Variants in TENM3 observed in about 807,000 individuals in gnomAD.
TENM3 encodes the protein teneurin transmembrane protein 3.
In TENM3, 63 loss-of-function variants were observed where a neutral mutation model predicts 255.1. The observed-to-expected ratio is 0.25, with a 90% CI of 0.20 to 0.30. The LOEUF is 0.30. TENM3 is among the 10% of genes least tolerant of loss of function. The pLI is 1.00. For synonymous variants in TENM3, 1,306 were observed against 1,322.3 expected (o/e 0.99, Z 0.27); for missense variants, 2,929 against 3,461.1 (o/e 0.85, Z 3.86).
At chr4:181,701,481 G>A in the TENM3 span, among the ~76,000 whole-genome samples, 1 of 152,038 alleles carries the variant, frequency 6.6e-6, no homozygotes, top group Non-Finnish European at 1.5e-5. Flanking sequence ...AGTCAGACGA[G>A]GTAATAGCCA....
chr4:182,172,592 GT>G (rs1258010602), intron 1 of TENM3, among the ~76,000 whole-genome samples: 1 of 152,124 alleles, frequency 6.6e-6, no homozygotes, highest in African/African-American at 2.4e-5. Context: ...TACTCAAAAT[GT>G]TTTTATTGAT....
At chr4:182,098,378 G>C in the TENM3 span, among the ~76,000 whole-genome samples, 1 of 152,192 alleles carries the variant, frequency 6.6e-6, no homozygotes, top group Non-Finnish European at 1.5e-5. Context: ...GGAGATATCT[G>C]TATTCTCCTG....
chr4:182,486,307 A>G (rs1294601983), intron 3 of TENM3, among the ~76,000 whole-genome samples: 1 of 46,270 alleles, frequency 2.2e-5, no homozygotes, highest in African/African-American at 5.8e-5. Context: ...AAGTATTTTA[A>G]TTGTGTGTGG....
intron 3 of TENM3, among the ~76,000 whole-genome samples, chr4:182,531,564 A>G (rs1334282633): frequency 6.6e-6 from 1 of 152,210 alleles, no homozygotes; most frequent in Non-Finnish European, 1.5e-5. Flanking sequence ...AAGATTTACT[A>G]GAGTGAGAGG....
chr4:181,629,988 G>T, the TENM3 span, among the ~76,000 whole-genome samples: 1 of 152,116 alleles, frequency 6.6e-6, no homozygotes, highest in East Asian at 1.9e-4. Flanking sequence ...TGGTTGGTAG[G>T]CTATTAATTA....
chr4:182,316,486 G>T (rs1762756412), intron 1 of TENM3, among the ~76,000 whole-genome samples: 1 of 152,022 alleles, frequency 6.6e-6, no homozygotes, highest in Non-Finnish European at 1.5e-5. Flanking sequence ...AGGGACATTT[G>T]GTAATATCTA....
chr4:182,052,734 G>T, the TENM3 span, among the ~76,000 whole-genome samples: 4 of 152,042 alleles, frequency 2.6e-5, 1 homozygote, highest in African/African-American at 9.7e-5. Flanking sequence ...GGGAAATGGG[G>T]GCCAATGGAC....
At chr4:181,890,091 A>G in the TENM3 span, among the ~76,000 whole-genome samples, 1 of 152,196 alleles carries the variant, frequency 6.6e-6, no homozygotes. Flanking sequence ...AGTTTCTGTC[A>G]GGTATGAGGT....
At chr4:182,487,636 G>A (rs1009603975) in intron 3 of TENM3, among the ~76,000 whole-genome samples, 1 of 152,062 alleles carries the variant, frequency 6.6e-6, no homozygotes, top group Non-Finnish European at 1.5e-5. Context: ...AGTTTAATAA[G>A]TGCCCTTTTA....
intron 1 of TENM3, among the ~76,000 whole-genome samples, chr4:182,218,935 C>T (rs773427055): frequency 6.6e-6 from 1 of 152,042 alleles, no homozygotes; most frequent in Non-Finnish European, 1.5e-5. Context: ...TTTTTAAAAA[C>T]CATAATAGGC....
At chr4:182,194,765 T>C (rs1002081835) in intron 1 of TENM3, among the ~76,000 whole-genome samples, 3 of 152,208 alleles carry the variant, frequency 2.0e-5, no homozygotes, top group Non-Finnish European at 4.4e-5. Flanking sequence ...CATTTTTTTC[T>C]CCTCACGGTC....
chr4:182,353,639 T>C (rs1765326595), intron 3 of TENM3, among the ~76,000 whole-genome samples: 3 of 152,212 alleles, frequency 2.0e-5, no homozygotes, highest in African/African-American at 7.2e-5. Context: ...ATTCACTTCA[T>C]GGGTATGTAC....
the TENM3 span, among the ~76,000 whole-genome samples, chr4:181,734,360 G>T: frequency 4.8e-3 from 735 of 151,918 alleles, 4 homozygotes; most frequent in Middle Eastern, 0.034. Context: ...ACTTGTTTGG[G>T]AGTTCAATAA....
At chr4:181,447,704 C>A in the TENM3 span, among the ~76,000 whole-genome samples, 1 of 152,178 alleles carries the variant, frequency 6.6e-6, no homozygotes, top group Non-Finnish European at 1.5e-5. Context: ...TAGGCACAAC[C>A]CGCTGTGTTT....
chr4:181,627,525 C>G, the TENM3 span, among the ~76,000 whole-genome samples: 1 of 152,088 alleles, frequency 6.6e-6, no homozygotes. Context: ...GTGATGTTCC[C>G]CTTCCTGTGT....
chr4:182,775,623 G>A (rs1398496589), intron 24 of TENM3, among the ~76,000 whole-genome samples: 17 of 152,146 alleles, frequency 1.1e-4, no homozygotes, highest in Admixed American at 1.1e-3. Flanking sequence ...CTAGTTCACA[G>A]GCCTCCTCTT....
chr4:181,524,036 C>T, the TENM3 span, among the ~76,000 whole-genome samples: 1 of 152,086 alleles, frequency 6.6e-6, no homozygotes, highest in Non-Finnish European at 1.5e-5. Flanking sequence ...CTACGTGGCT[C>T]GCTGTTATAG....
At chr4:181,911,164 G>A in the TENM3 span, among the ~76,000 whole-genome samples, 5 of 152,130 alleles carry the variant, frequency 3.3e-5, no homozygotes, top group South Asian at 4.1e-4. Context: ...ACACATGATC[G>A]GTTAATGTGT....
At chr4:182,688,033 C>T (rs986261977) in intron 11 of TENM3, 133 bp from the exon 12 acceptor site, 4 of 811,778 alleles carry the variant, frequency 4.9e-6, no homozygotes, top group Non-Finnish European at 7.6e-6. Context: ...CATACAAATA[C>T]TTTTGATTTC....
Sources: allele counts gnomAD v4.1 joint callset (sites outside exome capture counted in the v4.1 genomes callset), GRCh38; gene constraint gnomAD v4.1.1; transcripts MANE v1.5; gene names NCBI Gene and HGNC (gene_info 2026-07-23, HGNC 2026-07-21).